CSMD1: variants seen among roughly 807,000 people sequenced by gnomAD.
The protein encoded by CSMD1 is CUB and Sushi multiple domains 1.
Under a neutral mutation model 417.5 loss-of-function variants are expected in CSMD1, and 213 were observed. The ratio of observed to expected loss-of-function variants is 0.51; its 90% CI spans 0.46 to 0.57. The LOEUF is 0.57. Among genes scored for constraint, CSMD1 ranks in the 20% least tolerant of loss-of-function variants. CSMD1 has a pLI of 0.00. For missense variants in CSMD1, 6,923 were observed against 4,529.7 expected (o/e 1.53, Z -15.17); for synonymous variants, 2,862 against 1,736.8 (o/e 1.65, Z -16.11).
intron 18 of CSMD1, among the ~76,000 whole-genome samples, chr8:3,379,405 G>C (rs907420931): frequency 2.6e-5 from 4 of 152,004 alleles, no homozygotes; most frequent in African/African-American, 4.8e-5. Context: ...TACTTAAAAT[G>C]TCATATGGAA....
intron 5 of CSMD1, among the ~76,000 whole-genome samples, chr8:3,776,325 T>A (rs77820677): frequency 2.0e-5 from 3 of 152,072 alleles, no homozygotes; most frequent in Non-Finnish European, 4.4e-5. Context: ...TTAGATCACA[T>A]TGCACCTTGA....
At chr8:4,751,939 T>C (rs1190294677) in intron 1 of CSMD1, among the ~76,000 whole-genome samples, 1 of 152,212 alleles carries the variant, frequency 6.6e-6, no homozygotes, top group Admixed American at 6.5e-5. Context: ...CCATGTAATC[T>C]GAGAGTGGGG....
chr8:4,079,468 T>G (rs1234105382), intron 3 of CSMD1, among the ~76,000 whole-genome samples: 1 of 152,224 alleles, frequency 6.6e-6, no homozygotes, highest in Non-Finnish European at 1.5e-5. Flanking sequence ...CTGAGTTCTA[T>G]CATCATAAAG....
At chr8:4,512,437 C>G (rs1028451107) in intron 2 of CSMD1, among the ~76,000 whole-genome samples, 3 of 151,850 alleles carry the variant, frequency 2.0e-5, no homozygotes, top group Non-Finnish European at 2.9e-5. Context: ...TGCAATAAAG[C>G]AAGTAGAGAA....
intron 3 of CSMD1, among the ~76,000 whole-genome samples, chr8:4,119,796 C>A (rs1411987085): frequency 6.6e-6 from 1 of 152,108 alleles, no homozygotes; most frequent in Admixed American, 6.5e-5. Context: ...AGTAACAAAA[C>A]GTTCTACGAT....
intron 7 of CSMD1, among the ~76,000 whole-genome samples, chr8:3,698,267 G>A (rs530269930): frequency 6.6e-6 from 1 of 152,248 alleles, no homozygotes; most frequent in South Asian, 2.1e-4. Flanking sequence ...TTACCTGACT[G>A]ATGAAGCATT....
At chr8:3,940,513 G>C (rs1810806491) in intron 5 of CSMD1, among the ~76,000 whole-genome samples, 1 of 150,834 alleles carries the variant, frequency 6.6e-6, no homozygotes, top group Non-Finnish European at 1.5e-5. Flanking sequence ...GTGTGTGTGT[G>C]TGTGTGTGTG....
intron 10 of CSMD1, among the ~76,000 whole-genome samples, chr8:3,556,531 C>A (rs1167234108): frequency 1.3e-5 from 2 of 148,660 alleles, no homozygotes; most frequent in Non-Finnish European, 3.0e-5. Context: ...CACACACACA[C>A]ACACACACAC....
intron 42 of CSMD1, among the ~76,000 whole-genome samples, chr8:3,115,492 G>T (rs562875357): frequency 2.7e-4 from 41 of 152,284 alleles, no homozygotes; most frequent in Non-Finnish European, 4.1e-4. Context: ...GTGAGCCACT[G>T]TGCCCGGCCT....
At chr8:3,573,825 T>A (rs1010621451) in intron 10 of CSMD1, among the ~76,000 whole-genome samples, 16 of 114,944 alleles carry the variant, frequency 1.4e-4, no homozygotes, top group African/African-American at 5.4e-4. Flanking sequence ...ACTATAAATA[T>A]AATTATTTTA....
intron 41 of CSMD1, among the ~76,000 whole-genome samples, chr8:3,141,727 G>A (rs1204219392): frequency 2.0e-5 from 3 of 151,480 alleles, no homozygotes; most frequent in African/African-American, 7.3e-5. Flanking sequence ...ACTCACTTCC[G>A]CCCCCTGTGA....
Position 3,214,530 on chromosome 8 carries a change from G to T in CSMD1, c.4834C>A (p.Pro1612Thr). 6.2e-7 allele frequency: 1 copy of T among 1,600,546 alleles called. No homozygotes were observed. Among genetic ancestry groups the T allele is most frequent in the Non-Finnish European group, 8.5e-7 (1 of 1,173,416 alleles). Residue 1612 changes from proline (P) to threonine (T), a missense_variant, in exon 30 of 70, where the codon CCC becomes ACC. Physicochemically the swap from Pro to Thr is conservative, Grantham distance 38. Transcript: ENST00000635120. ...GAGGGCAGCACTTGGTCCCAGGAGG[G>T]TTTCCCATCAGCCCCAATCACACAG... ...ITCVIGADGK[P>T]SWDQVLPSCN...
chr8:3,797,449 C>A (rs1800221309), intron 5 of CSMD1, among the ~76,000 whole-genome samples: 1 of 151,968 alleles, frequency 6.6e-6, no homozygotes, highest in Non-Finnish European at 1.5e-5. Context: ...CTTCCCTCCA[C>A]AGGCAACTTT....
In CSMD1 at chr8:3,308,474, C is replaced by T; in HGVS notation, c.3661G>A (p.Gly1221Ser). The part of the protein sequence containing the change: ...SFDLVKCEDP[G>S]IPNYGYRIRD... Reference sequence around the variant, plus strand: ...ATCCTATAGCCGTAGTTAGGGATGCCCGGATCCTCACATTTTACCAGATCA... The same window carrying T: ...ATCCTATAGCCGTAGTTAGGGATGCTCGGATCCTCACATTTTACCAGATCA... The change falls in exon 24 of 70, where the codon GGC (glycine) becomes AGC (serine). Residue 1221 changes from glycine to serine, a missense_variant. Transcript: ENST00000635120. 6.2e-7 allele frequency: 1 copy of T among 1,613,092 alleles called. No homozygotes were observed. The highest frequency in any genetic ancestry group is 8.5e-7 in the Non-Finnish European group (1 of 1,179,414).
intron 3 of CSMD1, among the ~76,000 whole-genome samples, chr8:4,058,528 C>T (rs1455718833): frequency 6.6e-6 from 1 of 152,008 alleles, no homozygotes; most frequent in Non-Finnish European, 1.5e-5. Flanking sequence ...CCCTTTATTT[C>T]CTTCTCCTGC....
At chr8:4,055,267 A>T (rs1353466631) in intron 3 of CSMD1, among the ~76,000 whole-genome samples, 5 of 152,158 alleles carry the variant, frequency 3.3e-5, no homozygotes, top group Non-Finnish European at 2.9e-5. Context: ...TTCAGGTTAA[A>T]CAATTTTTGT....
intron 5 of CSMD1, among the ~76,000 whole-genome samples, chr8:3,855,305 T>C (rs1390586117): frequency 6.6e-6 from 1 of 152,184 alleles, no homozygotes; most frequent in African/African-American, 2.4e-5. Flanking sequence ...ACTTGAGGCA[T>C]TAAAAATTAT....
chr8:3,554,057 G>A lies in CSMD1; in HGVS notation c.1344+20888C>T, dbSNP rs1275797978. Among the ~76,000 whole-genome samples the A allele has an allele frequency of 2.6e-5, 4 of 152,208 alleles. No homozygotes were observed. The East Asian group carries it at 7.7e-4, about 29-fold the overall frequency. ...ACATTATAGTTTTGAAAGATGGGATGTGGATGTGTGTGCTCGTAGCTTATA... is the reference window on the plus strand; with the variant it reads ...ACATTATAGTTTTGAAAGATGGGATATGGATGTGTGTGCTCGTAGCTTATA... On this transcript the variant is annotated intron_variant, in intron 10 of 69. Coordinates refer to ENST00000635120, the MANE Select transcript of CSMD1 (RefSeq NM_033225.6).
intron 64 of CSMD1, among the ~76,000 whole-genome samples, chr8:2,955,004 T>C (rs532988401): frequency 1.3e-5 from 2 of 152,318 alleles, no homozygotes; most frequent in African/African-American, 4.8e-5. Context: ...CCTGTAAGTG[T>C]AGCTATCGTC....
Sources: allele counts gnomAD v4.1 joint callset (sites outside exome capture counted in the v4.1 genomes callset), GRCh38; gene constraint gnomAD v4.1.1; transcripts MANE v1.5; gene names NCBI Gene and HGNC (gene_info 2026-07-23, HGNC 2026-07-21).